Variants in C1GALT1 observed in about 807,000 individuals in gnomAD.
C1GALT1 encodes glycoprotein-N-acetylgalactosamine 3-beta-galactosyltransferase 1.
C1GALT1 carries 11 observed loss-of-function variants against 31.0 expected under a neutral mutation model. The ratio of observed to expected loss-of-function variants is 0.36; its 90% CI spans 0.22 to 0.59. C1GALT1 has a LOEUF of 0.59. C1GALT1 is among the 20% of genes least tolerant of loss of function. C1GALT1 has a pLI of 0.79. For missense variants in C1GALT1, 424 were observed against 425.2 expected (o/e 1.00, Z 0.03); for synonymous variants, 175 against 143.6 (o/e 1.22, Z -1.56).
chr7:7,204,253 A>G (rs1037958906), intron 1 of C1GALT1, among the ~76,000 whole-genome samples: 1 of 151,812 alleles, frequency 6.6e-6, no homozygotes, highest in Non-Finnish European at 1.5e-5. Flanking sequence ...TTCAATCTCC[A>G]TACTGATATA....
At chr7:7,163,197 A>T (rs1014115242) in intron 2 of C1GALT1, among the ~76,000 whole-genome samples, 19 of 152,190 alleles carry the variant, frequency 1.2e-4, no homozygotes, top group African/African-American at 4.6e-4. Context: ...GCCCGTTCCT[A>T]TGTCCTGAAT....
chr7:7,243,842 T>G lies in C1GALT1; in HGVS notation c.*115T>G. Reference sequence around the variant, plus strand: ...GTGAGGAATTCTAAGTGAACATTCCTTATAGAAACCTTTCACATGAATGAC... The same window carrying G: ...GTGAGGAATTCTAAGTGAACATTCCGTATAGAAACCTTTCACATGAATGAC... On this transcript the variant is annotated 3_prime_UTR_variant, in exon 4 of 4. Coordinates refer to ENST00000436587, the MANE Select transcript of C1GALT1 (RefSeq NM_020156.5). 1.4e-6 allele frequency: 1 copy of G among 726,180 alleles called. No individual in the cohort carries two copies. Among genetic ancestry groups the G allele is most frequent in the South Asian group, 2.0e-5 (1 of 49,002 alleles). The allele number at this position is 726,180 out of a possible 1,614,324, so 45.0% of individuals were successfully genotyped here.
chr7:7,188,386 A>G (rs986639846), intron 1 of C1GALT1, among the ~76,000 whole-genome samples: 1 of 152,202 alleles, frequency 6.6e-6, no homozygotes, highest in African/African-American at 2.4e-5. Context: ...TTTAGCAGGC[A>G]TTTGTGTATG....
At chr7:7,234,228 T>C in intron 1 of C1GALT1, 75 bp from the exon 2 acceptor site, 1 of 1,083,564 alleles carries the variant, frequency 9.2e-7, no homozygotes, top group Non-Finnish European at 1.4e-6. Context: ...TATAGCTAAA[T>C]GTTACCAGAA....
At chr7:7,222,559 C>T (rs1782558941) in intron 1 of C1GALT1, among the ~76,000 whole-genome samples, 1 of 152,104 alleles carries the variant, frequency 6.6e-6, no homozygotes, top group South Asian at 2.1e-4. Flanking sequence ...TTTCTGTGAA[C>T]ATGAATACTA....
upstream of C1GALT1, among the ~76,000 whole-genome samples, chr7:7,179,693 C>A (rs1468172922): frequency 6.6e-6 from 1 of 152,104 alleles, no homozygotes; most frequent in Non-Finnish European, 1.5e-5. Flanking sequence ...CACCTAACAA[C>A]AAATCCAGAA....
chr7:7,237,603 T>C (rs1361171049), intron 2 of C1GALT1, among the ~76,000 whole-genome samples: 2 of 152,238 alleles, frequency 1.3e-5, no homozygotes, highest in African/African-American at 4.8e-5. Flanking sequence ...CTTCTGTTTT[T>C]GATTGGTGGA....
intron 1 of C1GALT1, among the ~76,000 whole-genome samples, chr7:7,225,689 C>T (rs1782726995): frequency 1.3e-5 from 2 of 152,130 alleles, no homozygotes; most frequent in South Asian, 4.1e-4. Context: ...AGAGCAGAGG[C>T]ATGAATATTT....
chr7:7,211,507 A>T lies in C1GALT1; in HGVS notation c.-17-22796A>T, dbSNP rs947134822. ...TCTAAGGATAATAATTAAGCAAAATACAACAGCAATGGAAACTCTGTCCAA... is the reference window on the plus strand; with the variant it reads ...TCTAAGGATAATAATTAAGCAAAATTCAACAGCAATGGAAACTCTGTCCAA... On this transcript the variant is annotated intron_variant, in intron 1 of 3. Coordinates refer to ENST00000436587, the MANE Select transcript of C1GALT1 (RefSeq NM_020156.5). Among the ~76,000 whole-genome samples the T allele has an allele frequency of 2.6e-5, 4 of 152,228 alleles. No homozygotes were observed. In the South Asian group the frequency reaches 6.2e-4, roughly 24 times the overall value.
chr7:7,207,025 T>C (rs150764440), intron 1 of C1GALT1, among the ~76,000 whole-genome samples: 1 of 152,146 alleles, frequency 6.6e-6, no homozygotes, highest in Admixed American at 6.5e-5. Context: ...TTTTCAACCA[T>C]TGTTTCTTCA....
At chr7:7,169,343 T>A (rs1327914455) in intron 2 of C1GALT1, among the ~76,000 whole-genome samples, 1 of 152,220 alleles carries the variant, frequency 6.6e-6, no homozygotes, top group African/African-American at 2.4e-5. Context: ...CTCTTGAGTC[T>A]CTGTTTTCAG....
intron 1 of C1GALT1, among the ~76,000 whole-genome samples, chr7:7,199,873 T>G (rs2159193): frequency 0.14 from 20,737 of 152,186 alleles, 1,669 homozygotes; most frequent in East Asian, 0.36. Context: ...CCTTGCTTTT[T>G]TTTGTTTTCC....
chr7:7,219,988 T>G (rs1583804279), intron 1 of C1GALT1, among the ~76,000 whole-genome samples: 1 of 152,360 alleles, frequency 6.6e-6, no homozygotes, highest in South Asian at 2.1e-4. Context: ...GATTCTGATT[T>G]GGGATATTAA....
intron 1 of C1GALT1, among the ~76,000 whole-genome samples, chr7:7,200,514 C>G (rs1041886167): frequency 5.9e-5 from 9 of 152,244 alleles, no homozygotes; most frequent in African/African-American, 2.2e-4. Context: ...GTGGCATTCT[C>G]TGTATTACCA....
At chr7:7,234,602 C>T in intron 2 of C1GALT1, 63 bp downstream of exon 2, 3 of 1,226,100 alleles carry the variant, frequency 2.4e-6, no homozygotes, top group South Asian at 1.3e-5. Context: ...TTGTCATATT[C>T]CTGTCTGTAT....
rs1179274655 is a variant in C1GALT1, at chr7:7,247,085, A to ATTGT, written c.*3360_*3363dup. On this transcript the variant is annotated 3_prime_UTR_variant, in exon 4 of 4. Transcript: ENST00000436587. ...ATAAGTGTCATCAAAAAGGTCCACA[A>ATTGT]TTGTTAGTAAAAAAAATTAAATTGA... 1 of 152,190 alleles carries ATTGT rather than the reference A, an allele frequency of 6.6e-6. No individual in the cohort carries two copies. Among genetic ancestry groups the ATTGT allele is most frequent in the Admixed American group, 6.5e-5 (1 of 15,280 alleles). The allele number at this position is 152,190 out of a possible 1,614,324, so 9.4% of individuals were successfully genotyped here. A position where few individuals can be genotyped will look rare whatever the true frequency, so the allele number is the denominator to read the frequency against.
intron 2 of C1GALT1, among the ~76,000 whole-genome samples, chr7:7,161,396 C>G (rs1220988796): frequency 1.3e-5 from 2 of 152,160 alleles, no homozygotes; most frequent in African/African-American, 2.4e-5. Flanking sequence ...CAGTGAATAA[C>G]TTTACATTTG....
In C1GALT1 at chr7:7,234,429, C is replaced by G. The variant is rs112027213; in HGVS notation, c.110C>G (p.Thr37Ser). The part of the protein sequence containing the change: ...FSILLGEKVD[T>S]QPNVLHNDPH... Reference sequence around the variant, plus strand: ...ATTTTGTTGGGAGAAAAGGTTGACACCCAGCCTAATGTTCTTCATAATGAT... The same window carrying G: ...ATTTTGTTGGGAGAAAAGGTTGACAGCCAGCCTAATGTTCTTCATAATGAT... Residue 37 changes from threonine (T) to serine (S), a missense_variant, in exon 2 of 4, where the codon ACC (threonine) becomes AGC (serine). By Grantham distance (58) the Thr-to-Ser change is moderately conservative. Coordinates refer to ENST00000436587, the MANE Select transcript of C1GALT1 (RefSeq NM_020156.5). The G allele has an allele frequency of 1.9e-5, 31 of 1,613,810 alleles. No individual in the cohort carries two copies. The African/African-American group carries it at 3.7e-4, about 19-fold the overall frequency.
intron 1 of C1GALT1, among the ~76,000 whole-genome samples, chr7:7,207,817 C>G (rs1781818883): frequency 6.7e-6 from 1 of 150,072 alleles, no homozygotes; most frequent in Admixed American, 6.6e-5. Flanking sequence ...GTTGCAGTCT[C>G]TTTGCCAAAG....
Sources: gnomAD v4.1 joint callset for allele counts (sites outside exome capture counted in the v4.1 genomes callset) on GRCh38, gnomAD v4.1.1 for gene constraint, MANE v1.5 for transcripts, NCBI Gene and HGNC (gene_info 2026-07-23, HGNC 2026-07-21) for gene names.